Variants in CACNA2D1 observed in about 807,000 individuals in gnomAD.
The protein encoded by CACNA2D1 is calcium voltage-gated channel auxiliary subunit alpha2delta 1.
In CACNA2D1, 53 loss-of-function variants were observed where a neutral mutation model predicts 171.5. The ratio of observed to expected loss-of-function variants is 0.31; its 90% CI spans 0.25 to 0.39. CACNA2D1 has a LOEUF of 0.39. Ranked by LOEUF, CACNA2D1 falls within the 10% of genes least tolerant of loss-of-function variation. CACNA2D1 has a pLI of 1.00. For missense variants in CACNA2D1, 903 were observed against 1,299.8 expected (o/e 0.69, Z 4.69); for synonymous variants, 442 against 443.1 (o/e 1.00, Z 0.03).
rs561254446 is a variant in CACNA2D1, at chr7:82,345,767, T to C, written c.177+3801A>G. On this transcript the variant is annotated intron_variant, in intron 2 of 38. Transcript: ENST00000356860. ...TATAATTCAGATTATTAAAAATACA[T>C]ATATATTTTTCTAAATTTGGGGACT... is the stretch of plus-strand genomic sequence containing the variant. Among the ~76,000 whole-genome samples, 13 of 152,098 alleles carry C rather than the reference T, an allele frequency of 8.5e-5. No individual in the cohort carries two copies. The East Asian group carries it at 9.6e-4, about 11-fold the overall frequency.
intron 10 of CACNA2D1, among the ~76,000 whole-genome samples, chr7:82,059,959 A>T (rs1272255998): frequency 1.3e-5 from 1 of 79,758 alleles, no homozygotes; most frequent in East Asian, 4.7e-4. Context: ...GATCACATGG[A>T]CACAGGAAGG....
intron 10 of CACNA2D1, among the ~76,000 whole-genome samples, chr7:82,047,590 ACATC>A (rs1804697509): frequency 6.6e-6 from 1 of 152,156 alleles, no homozygotes; most frequent in Non-Finnish European, 1.5e-5. Context: ...TAAAATTCTG[ACATC>A]CATCTAGTAC....
intron 4 of CACNA2D1, among the ~76,000 whole-genome samples, chr7:82,154,914 T>C (rs181133080): frequency 3.4e-4 from 51 of 152,190 alleles, no homozygotes; most frequent in African/African-American, 1.2e-3. Context: ...TAATCCTCAG[T>C]GTTGGAGATG....
At chr7:82,310,377 A>C (rs1023831323) in intron 3 of CACNA2D1, among the ~76,000 whole-genome samples, 2 of 151,992 alleles carry the variant, frequency 1.3e-5, no homozygotes, top group Non-Finnish European at 2.9e-5. Context: ...TTTAGAGGTA[A>C]TTTAAAGGTT....
intron 1 of CACNA2D1, among the ~76,000 whole-genome samples, chr7:82,402,771 A>C (rs923747830): frequency 6.6e-6 from 1 of 151,286 alleles, no homozygotes; most frequent in African/African-American, 2.4e-5. Flanking sequence ...AAGAGTTTGA[A>C]TATTATCCTT....
At chr7:82,113,763 A>C (rs923420599) in intron 6 of CACNA2D1, among the ~76,000 whole-genome samples, 1 of 152,196 alleles carries the variant, frequency 6.6e-6, no homozygotes, top group Non-Finnish European at 1.5e-5. Context: ...AATACTGGTA[A>C]TTATTAAATT....
At chr7:82,212,416 C>T (rs536685930) in intron 3 of CACNA2D1, among the ~76,000 whole-genome samples, 1 of 152,194 alleles carries the variant, frequency 6.6e-6, no homozygotes, top group Middle Eastern at 3.2e-3. Context: ...AGCAATCCTA[C>T]AAGGGGCAAT....
At chr7:82,063,556 G>T (rs1584603495) in intron 9 of CACNA2D1, among the ~76,000 whole-genome samples, 1 of 149,930 alleles carries the variant, frequency 6.7e-6, no homozygotes, top group East Asian at 2.0e-4. Context: ...ATGAGACAAA[G>T]ATTTTTTTTT....
intron 4 of CACNA2D1, among the ~76,000 whole-genome samples, chr7:82,168,499 AT>A (rs1795697210): frequency 6.6e-6 from 1 of 152,074 alleles, no homozygotes. Flanking sequence ...GTGCCTTACA[AT>A]TGATGATTTA....
At chr7:81,968,010 C>G (rs762315318) in intron 29 of CACNA2D1, among the ~76,000 whole-genome samples, 9 of 151,430 alleles carry the variant, frequency 5.9e-5, no homozygotes, top group African/African-American at 9.7e-5. Context: ...CTTAATAAAT[C>G]TTTGCTGAAA....
At chr7:82,131,895 A>T (rs189594027) in intron 5 of CACNA2D1, among the ~76,000 whole-genome samples, 2 of 152,332 alleles carry the variant, frequency 1.3e-5, no homozygotes, top group East Asian at 3.9e-4. Flanking sequence ...TGTAAACAAA[A>T]GATCCAATTA....
intron 5 of CACNA2D1, among the ~76,000 whole-genome samples, chr7:82,122,829 A>C (rs1402472328): frequency 6.6e-6 from 1 of 152,200 alleles, no homozygotes; most frequent in Non-Finnish European, 1.5e-5. Flanking sequence ...TACTTCTAAA[A>C]AATTAAAAGA....
At chr7:82,371,177 A>C (rs1435699025) in intron 1 of CACNA2D1, among the ~76,000 whole-genome samples, 1 of 152,218 alleles carries the variant, frequency 6.6e-6, no homozygotes, top group Non-Finnish European at 1.5e-5. Flanking sequence ...TAATGAAAAT[A>C]GAAATATTAA....
intron 1 of CACNA2D1, among the ~76,000 whole-genome samples, chr7:82,379,669 T>A (rs531051937): frequency 2.0e-4 from 31 of 152,276 alleles, no homozygotes; most frequent in African/African-American, 7.0e-4. Context: ...ACTCACTAAC[T>A]TTTTAAAAAC....
In CACNA2D1 at chr7:82,385,180, G is replaced by C. The variant is rs184506668; in HGVS notation, c.96-35531C>G. 2.1e-3 allele frequency among the ~76,000 whole-genome samples: 324 copies of C among 152,288 alleles called. 5 individuals are homozygous for C. Among genetic ancestry groups the C allele is most frequent in the Non-Finnish European group, 1.9e-3 (129 of 68,028 alleles). On this transcript the variant is annotated intron_variant, in intron 1 of 38. Coordinates refer to ENST00000356860, the MANE Select transcript of CACNA2D1 (RefSeq NM_000722.4). ...ATGTTGCTCAGCTTATGCTGTGCTC[G>C]TCTGTCCCTTTCTGTCCCTGCTACT...
At chr7:82,044,859 T>G (rs983208322) in intron 10 of CACNA2D1, among the ~76,000 whole-genome samples, 1 of 152,342 alleles carries the variant, frequency 6.6e-6, no homozygotes, top group South Asian at 2.1e-4. Context: ...ATGAAAATGA[T>G]TATTCTAAAA....
chr7:82,173,861 T>C (rs575401417), intron 3 of CACNA2D1, among the ~76,000 whole-genome samples: 158 of 151,422 alleles, frequency 1.0e-3, no homozygotes, highest in Middle Eastern at 3.4e-3. Context: ...CTGGGCAGCA[T>C]AGTGAGATCC....
At chr7:82,112,616 T>C (rs1788593428) in intron 6 of CACNA2D1, among the ~76,000 whole-genome samples, 1 of 152,214 alleles carries the variant, frequency 6.6e-6, no homozygotes, top group African/African-American at 2.4e-5. Context: ...ATGTACAGCA[T>C]GCCAGTCAAC....
intron 6 of CACNA2D1, among the ~76,000 whole-genome samples, chr7:82,093,479 T>C (rs1397640749): frequency 6.6e-6 from 1 of 152,200 alleles, no homozygotes; most frequent in Non-Finnish European, 1.5e-5. Flanking sequence ...AAGGAACTTT[T>C]GCCCTTCTTA....
Sources: allele counts gnomAD v4.1 joint callset (sites outside exome capture counted in the v4.1 genomes callset), GRCh38; gene constraint gnomAD v4.1.1; transcripts MANE v1.5; gene names NCBI Gene and HGNC (gene_info 2026-07-23, HGNC 2026-07-21).